The following NMNAT3 variants were observed in gnomAD, a reference collection of about 807,000 sequenced individuals.
The protein encoded by NMNAT3 is nicotinamide/nicotinic acid mononucleotide adenylyltransferase 3.
NMNAT3 carries 21 observed loss-of-function variants against 24.8 expected under a neutral mutation model. The ratio of observed to expected loss-of-function variants is 0.85; its 90% CI spans 0.60 to 1.22. NMNAT3 has a LOEUF of 1.22. Among genes scored for constraint, NMNAT3 ranks in the 50% most tolerant of loss-of-function variants. The pLI, the probability that NMNAT3 is intolerant of heterozygous loss-of-function variation, is 0.00. For synonymous variants in NMNAT3, 136 were observed against 155.2 expected, an observed-to-expected ratio of 0.88 and a Z score of 0.92; for missense variants, 387 against 436.6, an observed-to-expected ratio of 0.89 and a Z score of 1.01.
chr3:139,664,726 T>C (rs987406353), intron 1 of NMNAT3, among the ~76,000 whole-genome samples: 3 of 152,228 alleles, frequency 2.0e-5, no homozygotes, highest in Non-Finnish European at 4.4e-5. Context: ...TTCCTTACAA[T>C]AGAAAGAATC....
chr3:139,628,536 T>C (rs1423700000), intron 2 of NMNAT3, among the ~76,000 whole-genome samples: 1 of 152,214 alleles, frequency 6.6e-6, no homozygotes, highest in Non-Finnish European at 1.5e-5. Context: ...GTGCAGACTG[T>C]ATTCTGATCT....
chr3:139,568,133 G>T (rs1171858564), intron 6 of NMNAT3: 2 of 152,180 alleles, frequency 1.3e-5, no homozygotes, highest in African/African-American at 4.8e-5. Flanking sequence ...TTGCATAGAG[G>T]TGTTTATAGT....
chr3:139,670,472 T>C (rs1429682237), intron 1 of NMNAT3, among the ~76,000 whole-genome samples: 1 of 152,232 alleles, frequency 6.6e-6, no homozygotes, highest in Non-Finnish European at 1.5e-5. Flanking sequence ...CCGGCTAATT[T>C]CCCTACCTTT....
intron 3 of NMNAT3, among the ~76,000 whole-genome samples, chr3:139,586,308 C>T (rs189473042): frequency 2.0e-5 from 3 of 152,242 alleles, no homozygotes; most frequent in Admixed American, 2.0e-4. Flanking sequence ...ATAATCTGTG[C>T]AATAGACCCC....
At position 139,634,591 on chromosome 3, in the gene NMNAT3, A is replaced by G. The variant is rs559717062; in HGVS notation, c.-41+3372T>C. On this transcript the variant is annotated intron_variant, in intron 2 of 6. Coordinates refer to ENST00000643695, the MANE Select transcript of NMNAT3 (RefSeq NM_001320510.2). ...TTGCTACGGGCACACAATGCTGCTA[A>G]AAACAAAAGCAAAGCATACCTTCCT... The G allele has an allele frequency of 2.6e-5, 4 of 152,274 alleles. No individual in the cohort carries two copies. Among genetic ancestry groups the G allele is most frequent in the East Asian group, 3.9e-4 (2 of 5,182 alleles). 9.4% of individuals were successfully genotyped at this position (152,274 alleles called of 1,614,324 possible).
intron 1 of NMNAT3, among the ~76,000 whole-genome samples, chr3:139,665,279 G>A (rs1699577236): frequency 6.6e-6 from 1 of 152,206 alleles, no homozygotes; most frequent in Non-Finnish European, 1.5e-5. Context: ...CTGCCACTAA[G>A]AAATGCAGTT....
intron 2 of NMNAT3, among the ~76,000 whole-genome samples, chr3:139,629,732 T>C (rs555814056): frequency 6.6e-6 from 1 of 152,320 alleles, no homozygotes; most frequent in African/African-American, 2.4e-5. Context: ...CTTTATATTC[T>C]AGCAACAATG....
At chr3:139,658,081 C>T (rs934052003) in intron 1 of NMNAT3, among the ~76,000 whole-genome samples, 2 of 152,030 alleles carry the variant, frequency 1.3e-5, no homozygotes, top group African/African-American at 2.4e-5. Context: ...TCAGGGGTGG[C>T]GTGTTTTGGG....
At chr3:139,661,061 G>A (rs887859888) in intron 1 of NMNAT3, among the ~76,000 whole-genome samples, 1 of 152,114 alleles carries the variant, frequency 6.6e-6, no homozygotes, top group East Asian at 1.9e-4. Flanking sequence ...AACCCACCCA[G>A]CTGTTTGTGG....
At chr3:139,623,981 G>A (rs775152364) in intron 3 of NMNAT3, among the ~76,000 whole-genome samples, 1 of 152,158 alleles carries the variant, frequency 6.6e-6, no homozygotes, top group Non-Finnish European at 1.5e-5. Flanking sequence ...ATGCTATAAC[G>A]TCACTGGTCA....
At chr3:139,621,378 GT>G (rs1194952194) in intron 3 of NMNAT3, among the ~76,000 whole-genome samples, 1 of 152,054 alleles carries the variant, frequency 6.6e-6, no homozygotes, top group Admixed American at 6.6e-5. Flanking sequence ...TTATTATTTT[GT>G]TTTATTTTGT....
chr3:139,654,402 A>G (rs1404512659), intron 1 of NMNAT3, among the ~76,000 whole-genome samples: 1 of 152,220 alleles, frequency 6.6e-6, no homozygotes, highest in Non-Finnish European at 1.5e-5. Flanking sequence ...AAGCAAGGGC[A>G]AAAGTAAGAA....
At chr3:139,659,397 C>T (rs192765988) in intron 1 of NMNAT3, among the ~76,000 whole-genome samples, 3 of 152,200 alleles carry the variant, frequency 2.0e-5, no homozygotes, top group Admixed American at 6.5e-5. Flanking sequence ...AGAGACTCCC[C>T]AAGTGTGATG....
chr3:139,576,728 C>T (rs898065140), intron 5 of NMNAT3, among the ~76,000 whole-genome samples: 4 of 152,020 alleles, frequency 2.6e-5, no homozygotes, highest in African/African-American at 9.7e-5. Flanking sequence ...CAAACTAACA[C>T]TGAGCAACAC....
At chr3:139,573,703 C>T (rs543068591) in intron 5 of NMNAT3, 23 bp from the exon 6 acceptor site, 30 of 1,417,800 alleles carry the variant, frequency 2.1e-5, no homozygotes, top group African/African-American at 2.9e-5. Flanking sequence ...CATATGGGCT[C>T]AGGGTATGTC....
rs764761223 is a variant in NMNAT3 at position 139,561,070 on chromosome 3, GT to G, written c.980del (p.Tyr327SerfsTer88). ...TGCCTTTCCAGGTACTGCCCTTGGT[GT>G]AGAGGCCATGGTCCTTGATGTACGT... On this transcript the variant is annotated frameshift_variant, in exon 7 of 7. Transcript: ENST00000643695. LOFTEE classifies it low-confidence loss of function (END_TRUNC). 6 of 1,613,922 alleles carry G rather than the reference GT, an allele frequency of 3.7e-6. No homozygotes were observed. In the African/African-American group the frequency reaches 8.0e-5, roughly 22 times the overall value.
intron 6 of NMNAT3, among the ~76,000 whole-genome samples, chr3:139,564,715 G>A (rs985383243): frequency 1.8e-4 from 28 of 152,268 alleles, no homozygotes; most frequent in Non-Finnish European, 3.1e-4. Context: ...AATAAAATAC[G>A]CAGCACACAA....
intron 6 of NMNAT3, among the ~76,000 whole-genome samples, chr3:139,563,463 T>C (rs951737470): frequency 6.6e-6 from 1 of 152,176 alleles, no homozygotes; most frequent in Non-Finnish European, 1.5e-5. Context: ...CTTTTTCCAA[T>C]AGATTTTTTT....
chr3:139,565,072 A>C (rs370699112), intron 6 of NMNAT3, among the ~76,000 whole-genome samples: 1 of 152,262 alleles, frequency 6.6e-6, no homozygotes, highest in East Asian at 1.9e-4. Context: ...CACTTCCTTC[A>C]TAAGTGTTTC....
Sources: gnomAD v4.1 joint callset for allele counts (sites outside exome capture counted in the v4.1 genomes callset) on GRCh38, gnomAD v4.1.1 for gene constraint, MANE v1.5 for transcripts, NCBI Gene and HGNC (gene_info 2026-07-23, HGNC 2026-07-21) for gene names.